Variants in TENM2 observed in about 807,000 individuals in gnomAD.
The protein encoded by TENM2 is teneurin transmembrane protein 2, also known as teneurin-2.
In TENM2, 52 loss-of-function variants were observed where a neutral mutation model predicts 245.2. The ratio of observed to expected loss-of-function variants is 0.21; its 90% CI spans 0.17 to 0.27. The LOEUF (loss-of-function observed/expected upper bound fraction) is 0.27, where lower values mean the gene tolerates loss of function less well. TENM2 is among the 10% of genes least tolerant of loss of function. TENM2 has a pLI of 1.00. For synonymous variants in TENM2, 1,363 were observed against 1,438.9 expected, an observed-to-expected ratio of 0.95 and a Z score of 1.19; for missense variants, 3,046 against 3,666.8, an observed-to-expected ratio of 0.83 and a Z score of 4.37.
At chr5:167,987,751 C>T (rs557096759) in intron 4 of TENM2, among the ~76,000 whole-genome samples, 1 of 152,112 alleles carries the variant, frequency 6.6e-6, no homozygotes, top group Non-Finnish European at 1.5e-5. Flanking sequence ...CAGGCGATCA[C>T]TTGAGTGCTG....
chr5:167,967,590 T>C (rs1862416), intron 4 of TENM2, among the ~76,000 whole-genome samples: 15,421 of 152,114 alleles, frequency 0.1, 836 homozygotes, highest in South Asian at 0.18. Flanking sequence ...TATTGCAGGG[T>C]ACCACAGCTA....
chr5:168,058,885 C>T (rs558014776), intron 6 of TENM2, among the ~76,000 whole-genome samples: 78 of 152,020 alleles, frequency 5.1e-4, no homozygotes, highest in African/African-American at 1.8e-3. Context: ...CTTGTTACAC[C>T]CTCCAAGGCA....
chr5:167,245,470 T>C, the TENM2 span, among the ~76,000 whole-genome samples: 1 of 151,870 alleles, frequency 6.6e-6, no homozygotes, highest in Non-Finnish European at 1.5e-5. Context: ...ATAACAAATA[T>C]TTCAAATGTG....
chr5:167,162,252 G>T, the TENM2 span, among the ~76,000 whole-genome samples: 3 of 151,898 alleles, frequency 2.0e-5, no homozygotes, highest in African/African-American at 4.8e-5. Flanking sequence ...TCACTGATGG[G>T]TTATAGATAG....
intron 23 of TENM2, among the ~76,000 whole-genome samples, chr5:168,223,889 T>C (rs1763902273): frequency 2.0e-5 from 3 of 151,320 alleles, no homozygotes; most frequent in African/African-American, 7.3e-5. Context: ...GAATTTCTGC[T>C]CCATATAGAT....
intron 5 of TENM2, among the ~76,000 whole-genome samples, chr5:168,026,129 GGGCCTCTTCTT>G (rs1786607134): frequency 6.6e-6 from 1 of 152,140 alleles, no homozygotes; most frequent in Non-Finnish European, 1.5e-5. Context: ...GATGTCAGGT[GGGCCTCTTCTT>G]GGCCTCCCAG....
intron 2 of TENM2, among the ~76,000 whole-genome samples, chr5:167,707,436 T>C (rs908463451): frequency 6.6e-6 from 1 of 152,244 alleles, no homozygotes; most frequent in African/African-American, 2.4e-5. Flanking sequence ...ATTTGACTTA[T>C]CTATTTTTGC....
intron 2 of TENM2, among the ~76,000 whole-genome samples, chr5:167,377,285 A>C (rs1241889599): frequency 6.6e-6 from 1 of 152,176 alleles, no homozygotes; most frequent in Non-Finnish European, 1.5e-5. Flanking sequence ...AAATCCCTGC[A>C]TACTGATAAG....
chr5:167,739,798 C>T (rs1406791498), intron 2 of TENM2, among the ~76,000 whole-genome samples: 8 of 152,272 alleles, frequency 5.3e-5, no homozygotes, highest in South Asian at 4.1e-4. Context: ...CATTCTTCCC[C>T]GTTTGGAGTG....
At chr5:167,964,841 G>T (rs1725964224) in intron 4 of TENM2, among the ~76,000 whole-genome samples, 1 of 152,152 alleles carries the variant, frequency 6.6e-6, no homozygotes, top group African/African-American at 2.4e-5. Flanking sequence ...CAAGGCTTTG[G>T]ACCATGTTAA....
intron 2 of TENM2, among the ~76,000 whole-genome samples, chr5:167,787,193 A>C (rs745378632): frequency 5.2e-5 from 7 of 134,014 alleles, no homozygotes; most frequent in African/African-American, 8.4e-5. Flanking sequence ...AGTGTAGATC[A>C]TGAGGCCAAG....
Position 167,894,981 on chromosome 5 carries a change from GGAA to G in TENM2, c.712+18788_712+18790del, listed in dbSNP as rs1561906818. ...AGGAAGGAAGGAAGGAAGGAAGGAA[GGAA>G]GGAAGGAGGGAAGGAAGGAAGGAAG... On this transcript the variant is annotated intron_variant, in intron 3 of 28. Coordinates refer to ENST00000518659, the Ensembl canonical transcript of TENM2. Among the ~76,000 whole-genome samples, 8 of 135,314 alleles carry G rather than the reference GGAA, an allele frequency of 5.9e-5. No homozygotes were observed. In the East Asian group the frequency reaches 7.6e-4, roughly 13 times the overall value. 88.8% of individuals were successfully genotyped at this position (135,314 alleles called of 152,430 possible). A position where few individuals can be genotyped will look rare whatever the true frequency, so the allele number is the denominator to read the frequency against.
intron 5 of TENM2, among the ~76,000 whole-genome samples, chr5:168,000,649 G>T (rs865847944): frequency 2.6e-5 from 4 of 152,156 alleles, no homozygotes; most frequent in South Asian, 2.1e-4. Context: ...GAAAGAGGTT[G>T]TCAATTAAAC....
chr5:167,990,573 G>A (rs999156573), intron 4 of TENM2, among the ~76,000 whole-genome samples: 6 of 152,114 alleles, frequency 3.9e-5, no homozygotes, highest in South Asian at 2.1e-4. Flanking sequence ...GAAATGGCAC[G>A]ACCAGGACTA....
intron 2 of TENM2, among the ~76,000 whole-genome samples, chr5:167,465,958 T>A (rs769942690): frequency 1.6e-4 from 24 of 152,224 alleles, no homozygotes; most frequent in Non-Finnish European, 3.2e-4. Flanking sequence ...GGCACATGAC[T>A]GAATATTGAT....
chr5:167,114,723 G>T, the TENM2 span, among the ~76,000 whole-genome samples: 4 of 152,106 alleles, frequency 2.6e-5, no homozygotes, highest in African/African-American at 9.7e-5. Context: ...TGTGTACTGA[G>T]TAAGTCATGT....
chr5:167,914,901 G>A (rs778117864), intron 3 of TENM2, among the ~76,000 whole-genome samples: 8 of 152,078 alleles, frequency 5.3e-5, no homozygotes, highest in Non-Finnish European at 1.2e-4. Flanking sequence ...TTTGGATTAC[G>A]AGTCCACTTG....
intron 2 of TENM2, among the ~76,000 whole-genome samples, chr5:167,868,100 A>G (rs533066778): frequency 2.9e-4 from 44 of 152,198 alleles, no homozygotes; most frequent in Non-Finnish European, 5.7e-4. Flanking sequence ...GTAATACAGG[A>G]TTTCTCAACC....
chr5:167,134,471 G>A, the TENM2 span, among the ~76,000 whole-genome samples: 1 of 152,208 alleles, frequency 6.6e-6, no homozygotes. Context: ...ATTATTGGCA[G>A]TAGATTGTTA....
Sources: gnomAD v4.1 joint callset for allele counts (sites outside exome capture counted in the v4.1 genomes callset) on GRCh38, gnomAD v4.1.1 for gene constraint, MANE v1.5 for transcripts, NCBI Gene and HGNC (gene_info 2026-07-23, HGNC 2026-07-21) for gene names.